Variants in HIVEP3 observed in about 807,000 individuals in gnomAD.
HIVEP3 encodes HIVEP zinc finger 3, also known as transcription factor HIVEP3.
A neutral mutation model predicts 152.8 loss-of-function variants in HIVEP3; 49 were observed. The ratio of observed to expected loss-of-function variants is 0.32; its 90% CI spans 0.26 to 0.41. The LOEUF (loss-of-function observed/expected upper bound fraction) is 0.41. HIVEP3 is among the 10% of genes least tolerant of loss of function. The pLI is 1.00. For synonymous variants in HIVEP3, 1,269 were observed against 1,289.0 expected (o/e 0.98, Z 0.33); for missense variants, 2,790 against 3,103.3 (o/e 0.90, Z 2.40).
intron 1 of HIVEP3, among the ~76,000 whole-genome samples, chr1:41,795,991 A>G (rs564275662): frequency 9.2e-5 from 14 of 152,306 alleles, no homozygotes; most frequent in African/African-American, 3.4e-4. Context: ...AGATCTGGGC[A>G]GTGAGTGTGC....
intron 3 of HIVEP3, among the ~76,000 whole-genome samples, chr1:41,596,748 C>G (rs1201262071): frequency 1.3e-5 from 2 of 152,182 alleles, no homozygotes; most frequent in African/African-American, 4.8e-5. Context: ...AAGGCAAAGG[C>G]AGGATTTGAA....
chr1:41,995,676 C>T (rs755344191), intron 1 of HIVEP3, among the ~76,000 whole-genome samples: 1 of 152,140 alleles, frequency 6.6e-6, no homozygotes, highest in African/African-American at 2.4e-5. Context: ...TGCATGACAA[C>T]AATAATTTAT....
chr1:41,744,438 C>G (rs1647041714), intron 1 of HIVEP3, among the ~76,000 whole-genome samples: 1 of 152,202 alleles, frequency 6.6e-6, no homozygotes, highest in Non-Finnish European at 1.5e-5. Context: ...GCTGGAGGTG[C>G]CAGTCTTTGG....
intron 1 of HIVEP3, among the ~76,000 whole-genome samples, chr1:41,858,512 C>G (rs1370193321): frequency 1.3e-5 from 2 of 152,128 alleles, no homozygotes; most frequent in African/African-American, 4.8e-5. Flanking sequence ...CACCGACATC[C>G]CACTTTGGAG....
intron 2 of HIVEP3, among the ~76,000 whole-genome samples, chr1:41,654,136 T>G (rs1281905577): frequency 6.6e-6 from 1 of 152,204 alleles, no homozygotes; most frequent in Admixed American, 6.5e-5. Flanking sequence ...TTCTGTCTGT[T>G]ATAGCATCAA....
intron 1 of HIVEP3, among the ~76,000 whole-genome samples, chr1:41,899,748 A>G (rs1644590710): frequency 6.6e-6 from 1 of 152,196 alleles, no homozygotes; most frequent in South Asian, 2.1e-4. Flanking sequence ...TGTCACCTTC[A>G]TTGAATCATT....
At chr1:41,549,026 C>A (rs150276523) in intron 5 of HIVEP3, among the ~76,000 whole-genome samples, 1,865 of 150,960 alleles carry the variant, frequency 0.012, 37 homozygotes, top group African/African-American at 0.041. Context: ...CCTCCCCCTG[C>A]CCCCCACCCC....
intron 1 of HIVEP3, among the ~76,000 whole-genome samples, chr1:41,908,619 A>T (rs1644750361): frequency 6.6e-6 from 1 of 152,234 alleles, no homozygotes; most frequent in African/African-American, 2.4e-5. Flanking sequence ...AGAAAACCTT[A>T]TAGACTTTCA....
intron 2 of HIVEP3, among the ~76,000 whole-genome samples, chr1:41,687,867 A>G (rs1001096568): frequency 6.6e-6 from 1 of 152,268 alleles, no homozygotes; most frequent in African/African-American, 2.4e-5. Context: ...GAAAATGAAC[A>G]TGAGATATGT....
intron 1 of HIVEP3, among the ~76,000 whole-genome samples, chr1:41,762,005 TC>T (rs1161820429): frequency 6.6e-6 from 1 of 152,204 alleles, no homozygotes; most frequent in Non-Finnish European, 1.5e-5. Context: ...CTCTGATTGA[TC>T]CCCACTCCTC....
chr1:41,620,699 T>C (rs1220229971), intron 3 of HIVEP3, among the ~76,000 whole-genome samples: 2 of 152,176 alleles, frequency 1.3e-5, no homozygotes, highest in Non-Finnish European at 2.9e-5. Flanking sequence ...TTCACCCCTC[T>C]GTCTCTGGTA....
chr1:41,511,132 C>T lies in HIVEP3; in HGVS notation c.6540G>A (p.Leu2180=), dbSNP rs1644449259. Residue 2180 remains leucine, a synonymous_variant, in exon 9 of 9, where the codon CTG becomes CTA. Coordinates refer to ENST00000372583, the MANE Select transcript of HIVEP3 (RefSeq NM_024503.5). The surrounding 1 kb of genome is among the most constrained non-coding windows in gnomAD (Gnocchi z 4.9). ...GGGTCAAGTGCTGGGAGTGCAGAGG[C>T]AGGTGGCTGAAGATGTTCTCCTCTG... The part of the protein sequence containing the change: ...ARTEENIFSH[L]PLHSQHLTRA... The T allele has an allele frequency of 6.2e-7, 1 of 1,614,162 alleles. No individual in the cohort carries two copies. Among genetic ancestry groups the T allele is most frequent in the Non-Finnish European group, 8.5e-7 (1 of 1,180,028 alleles).
intron 1 of HIVEP3, among the ~76,000 whole-genome samples, chr1:41,970,761 T>C (rs935050128): frequency 6.6e-6 from 1 of 151,964 alleles, no homozygotes; most frequent in Non-Finnish European, 1.5e-5. Context: ...TTGATGTCTT[T>C]ACAAAAAAAA....
chr1:41,893,716 TTG>T (rs199825615), intron 1 of HIVEP3, among the ~76,000 whole-genome samples: 2 of 149,990 alleles, frequency 1.3e-5, no homozygotes. Flanking sequence ...GTGTATGTGT[TTG>T]TGTGTGTGTA....
chr1:41,698,625 C>G (rs188861790), intron 2 of HIVEP3, among the ~76,000 whole-genome samples: 18 of 152,218 alleles, frequency 1.2e-4, no homozygotes, highest in African/African-American at 3.9e-4. Flanking sequence ...ATCGAAAACA[C>G]CAACTACTGA....
At chr1:41,730,900 G>A (rs559344830) in intron 1 of HIVEP3, among the ~76,000 whole-genome samples, 4 of 152,270 alleles carry the variant, frequency 2.6e-5, no homozygotes, top group African/African-American at 9.6e-5. Flanking sequence ...GCTTCCTGTG[G>A]GGGGTGAATT....
intron 1 of HIVEP3, among the ~76,000 whole-genome samples, chr1:41,750,096 T>C (rs1007599258): frequency 1.3e-5 from 2 of 152,212 alleles, no homozygotes; most frequent in East Asian, 1.9e-4. Flanking sequence ...GGTGGAATCT[T>C]GGCTCTGCCA....
rs559958238 is a variant in HIVEP3, at chr1:41,710,663, G to A, written c.-800-9668C>T. On this transcript the variant is annotated intron_variant, in intron 1 of 8. Transcript: ENST00000372583. Reference sequence around the variant, plus strand: ...GCCCAGGCTTCCCTGCCCTAATACTGTGTCCTGTGTCTAGAAACTATGTGT... The same window carrying A: ...GCCCAGGCTTCCCTGCCCTAATACTATGTCCTGTGTCTAGAAACTATGTGT... Among the ~76,000 whole-genome samples, 141 of 152,258 alleles carry A rather than the reference G, an allele frequency of 9.3e-4. 2 individuals are homozygous for A. The South Asian group carries it at 0.028, about 31-fold the overall frequency.
chr1:41,882,170 G>T (rs1203115007), intron 1 of HIVEP3, among the ~76,000 whole-genome samples: 1 of 152,158 alleles, frequency 6.6e-6, no homozygotes, highest in Non-Finnish European at 1.5e-5. Flanking sequence ...TGATTTTCAG[G>T]AAGTGGTAAA....
Sources: gnomAD v4.1 joint callset for allele counts (sites outside exome capture counted in the v4.1 genomes callset) on GRCh38, gnomAD v4.1.1 for gene constraint, Gnocchi (gnomAD v3.1) non-coding constraint, MANE v1.5 for transcripts, NCBI Gene and HGNC (gene_info 2026-07-23, HGNC 2026-07-21) for gene names.